The following ZNF787 variants were observed in gnomAD, a reference collection of about 807,000 sequenced individuals.
ZNF787 encodes TTF-I-interacting peptide 20.
A neutral mutation model predicts 16.9 loss-of-function variants in ZNF787; 7 were observed. That is an observed-to-expected ratio of 0.42 (90% CI 0.24 to 0.78). The LOEUF (loss-of-function observed/expected upper bound fraction) is 0.78. Among genes scored for constraint, ZNF787 ranks in the 30% least tolerant of loss-of-function variants. The pLI is 0.30. For missense variants in ZNF787, 551 were observed against 589.3 expected (o/e 0.94, Z 0.67); for synonymous variants, 345 against 270.9 (o/e 1.27, Z -2.69).
Position 56,087,777 on chromosome 19 carries a change from G to T in ZNF787, c.*246C>A. On this transcript the variant is annotated 3_prime_UTR_variant, in exon 3 of 3. Transcript: ENST00000610935. ...CTCTCCATTGTCTCTCCGGCTCGCA[G>T]GCCGATAACTTAGGAAGGGCGGGCC... 1.9e-6 allele frequency: 1 copy of T among 519,408 alleles called. No homozygotes were observed. Among genetic ancestry groups the T allele is most frequent in the Non-Finnish European group, 2.8e-6 (1 of 354,274 alleles). 32.2% of individuals were successfully genotyped at this position (519,408 alleles called of 1,614,324 possible).
In ZNF787 at chr19:56,088,524, G is replaced by A; in HGVS notation, c.648C>T (p.Ser216=). ...PGVAAKVLAA[S]VRRAKGPEEA... The stretch of plus-strand genomic sequence containing the variant: ...CTTCGGGCCCCTTGGCCCGCCGGAC[G>A]CTAGCCGCCAGCACCTTGGCCGCCA... The change falls in exon 3 of 3, where the codon AGC becomes AGT. Residue 216 remains serine (S), a synonymous_variant. Transcript: ENST00000610935. The surrounding 1 kb of genome is among the most constrained non-coding windows in gnomAD (Gnocchi z 8.6). 7.0e-7 allele frequency: 1 copy of A among 1,434,074 alleles called. No homozygotes were observed. The highest frequency in any genetic ancestry group is 3.0e-5 in the Admixed American group (1 of 33,446). 88.8% of individuals were successfully genotyped at this position (1,434,074 alleles called of 1,614,324 possible).
At position 56,096,164 on chromosome 19, in the gene ZNF787, CAGG is replaced by C. The variant is rs1985858810; in HGVS notation, c.79+6972_79+6974del. ...GTCCCAACTACTTAGGAGGCCAAAG[CAGG>C]AGGTTAACTTGAGCTCAGGAAATTG... On this transcript the variant is annotated intron_variant, in intron 2 of 2. Transcript: ENST00000610935. 8.6e-5 allele frequency among the ~76,000 whole-genome samples: 13 copies of C among 151,872 alleles called. No homozygotes were observed. In the South Asian group the frequency reaches 2.7e-3, roughly 32 times the overall value.
intron 2 of ZNF787, among the ~76,000 whole-genome samples, chr19:56,095,596 C>T (rs1985840781): frequency 2.0e-5 from 3 of 152,224 alleles, no homozygotes; most frequent in African/African-American, 4.8e-5. Context: ...TCCCCACTGT[C>T]ATCAGGACCT....
intron 1 of ZNF787, among the ~76,000 whole-genome samples, chr19:56,108,876 G>A (rs973663030): frequency 2.6e-5 from 4 of 152,152 alleles, no homozygotes; most frequent in South Asian, 2.1e-4. Flanking sequence ...CTTGCAGCCC[G>A]ACCAGGCTAG....
chr19:56,110,536 C>T (rs942084710), intron 1 of ZNF787, among the ~76,000 whole-genome samples: 2 of 149,148 alleles, frequency 1.3e-5, no homozygotes, highest in Non-Finnish European at 3.0e-5. Flanking sequence ...AAAAAAAGCA[C>T]AGGAAAAAAA....
rs139736404 is a variant in ZNF787, at chr19:56,113,986, T to C, written c.-11+7186A>G. On this transcript the variant is annotated intron_variant, in intron 1 of 2. Coordinates refer to ENST00000610935, the MANE Select transcript of ZNF787 (RefSeq NM_001002836.4). ...CTGGGACTACAAGCGCTGAACTGTG[T>C]ACTTTAAAAGGGCAAATTGTACACT... Among the ~76,000 whole-genome samples the C allele has an allele frequency of 2.6e-3, 398 of 152,268 alleles. 1 individual carries two copies. The highest frequency in any genetic ancestry group is 9.1e-3 in the African/African-American group (379 of 41,548).
At position 56,087,897 on chromosome 19, in the gene ZNF787, G is replaced by A. The variant is rs1599934324; in HGVS notation, c.*126C>T. The A allele has an allele frequency of 5.5e-6, 7 of 1,268,826 alleles. No individual in the cohort carries two copies. The South Asian group carries it at 1.6e-4, about 29-fold the overall frequency. 78.6% of individuals were successfully genotyped at this position (1,268,826 alleles called of 1,614,324 possible). ...GACGGCGCAGGGACAGAGGAGGGCG[G>A]GGAGCCGGGGATGCCGCGGGGTCCA... On this transcript the variant is annotated 3_prime_UTR_variant, in exon 3 of 3. Coordinates refer to ENST00000610935, the MANE Select transcript of ZNF787 (RefSeq NM_001002836.4).
intron 2 of ZNF787, among the ~76,000 whole-genome samples, chr19:56,098,553 G>A (rs78363550): frequency 2.1e-5 from 3 of 145,164 alleles, no homozygotes; most frequent in East Asian, 2.0e-4. Flanking sequence ...TATGGCCGCC[G>A]GGTGATGGAG....
chr19:56,103,900 G>A (rs1461668548), intron 1 of ZNF787, among the ~76,000 whole-genome samples: 2 of 28,274 alleles, frequency 7.1e-5, no homozygotes, highest in East Asian at 9.0e-4. Flanking sequence ...TACGCACGCC[G>A]CCGACCCGTG....
At chr19:56,112,261 T>A (rs1170195198) in intron 1 of ZNF787, among the ~76,000 whole-genome samples, 1 of 152,138 alleles carries the variant, frequency 6.6e-6, no homozygotes, top group African/African-American at 2.4e-5. Flanking sequence ...ACCAGAAAGC[T>A]GGGAATTGCA....
intron 2 of ZNF787, among the ~76,000 whole-genome samples, chr19:56,099,288 C>A (rs1275708342): frequency 6.6e-6 from 1 of 152,192 alleles, no homozygotes; most frequent in Non-Finnish European, 1.5e-5. Flanking sequence ...ACAGTCTGCA[C>A]CCTGAGCGAC....
chr19:56,113,248 G>A (rs1337801550), intron 1 of ZNF787, among the ~76,000 whole-genome samples: 1 of 152,168 alleles, frequency 6.6e-6, no homozygotes, highest in Non-Finnish European at 1.5e-5. Context: ...GTGCTGGTGA[G>A]GACCAGGAGA....
In ZNF787 at chr19:56,087,972, C is replaced by G; in HGVS notation, c.*51G>C. 6 of 1,300,234 alleles carry G rather than the reference C, an allele frequency of 4.6e-6. No individual in the cohort carries two copies. Among genetic ancestry groups the G allele is most frequent in the Non-Finnish European group, 4.9e-6 (5 of 1,027,012 alleles). The allele number at this position is 1,300,234 out of a possible 1,614,324, so 80.5% of individuals were successfully genotyped here. A position where few individuals can be genotyped will look rare whatever the true frequency, so the allele number is the denominator to read the frequency against. ...GGTCTCTTGGTCTTGCACGTCGTCG[C>G]TCCCGCCAAGCCCGAGGGGCCCTGC... On this transcript the variant is annotated 3_prime_UTR_variant, in exon 3 of 3. Coordinates refer to ENST00000610935, the MANE Select transcript of ZNF787 (RefSeq NM_001002836.4).
chr19:56,100,654 ACC>A (rs1986056763), intron 2 of ZNF787, among the ~76,000 whole-genome samples: 2 of 38,296 alleles, frequency 5.2e-5, no homozygotes, highest in Admixed American at 2.9e-4. Flanking sequence ...CCCCACCCCC[ACC>A]TACGATGTCT....
intron 1 of ZNF787, among the ~76,000 whole-genome samples, chr19:56,119,947 C>T (rs558718350): frequency 6.6e-6 from 1 of 150,398 alleles, no homozygotes; most frequent in South Asian, 2.2e-4. Flanking sequence ...CTAAGCACTG[C>T]GCAACATGGG....
chr19:56,112,962 C>T (rs1476627365), intron 1 of ZNF787, among the ~76,000 whole-genome samples: 4 of 150,540 alleles, frequency 2.7e-5, no homozygotes, highest in Admixed American at 2.0e-4. Context: ...ATTCCCCTTC[C>T]CTTGGGGCTT....
At chr19:56,113,235 C>G (rs2030031123) in intron 1 of ZNF787, among the ~76,000 whole-genome samples, 1 of 152,132 alleles carries the variant, frequency 6.6e-6, no homozygotes, top group South Asian at 2.1e-4. Context: ...CCTCAGAAAA[C>G]AAGTGCTGGT....
chr19:56,088,034 C>T lies in ZNF787; in HGVS notation c.1138G>A (p.Glu380Lys). 1 of 1,297,670 alleles carries T rather than the reference C, an allele frequency of 7.7e-7. No individual in the cohort carries two copies. The highest frequency in any genetic ancestry group is 9.8e-7 in the Non-Finnish European group (1 of 1,020,500). The allele number at this position is 1,297,670 out of a possible 1,614,324, so 80.4% of individuals were successfully genotyped here. The part of the protein sequence containing the change: ...GGRCPECRGG[E>K]GR ...CCCGGGCCCCTCCCCTACCGGCCCT[C>T]CCCACCGCGGCACTCGGGGCACCGC... Residue 380 changes from glutamate (E) to lysine (K), a missense_variant, in exon 3 of 3, where the codon GAG becomes AAG. Glu to Lys is a moderately conservative substitution (Grantham distance 56). Transcript: ENST00000610935. This position sits in a 1 kb window ranked among gnomAD's most constrained non-coding sequence, Gnocchi z 8.6.
At chr19:56,090,971 C>T (rs1427775331) in intron 2 of ZNF787, among the ~76,000 whole-genome samples, 2 of 152,160 alleles carry the variant, frequency 1.3e-5, no homozygotes, top group African/African-American at 2.4e-5. Context: ...AGAGAGTATT[C>T]GAATATGGCT....
Sources: gnomAD v4.1 joint callset for allele counts (sites outside exome capture counted in the v4.1 genomes callset) on GRCh38, gnomAD v4.1.1 for gene constraint, Gnocchi (gnomAD v3.1) non-coding constraint, MANE v1.5 for transcripts, NCBI Gene and HGNC (gene_info 2026-07-23, HGNC 2026-07-21) for gene names.